CNTN4: variants seen among roughly 807,000 people sequenced by gnomAD.
CNTN4 encodes contactin-4.
In CNTN4, 77 loss-of-function variants were observed where a neutral mutation model predicts 122.5. The observed-to-expected ratio is 0.63, with a 90% CI of 0.52 to 0.76. The LOEUF (loss-of-function observed/expected upper bound fraction) is 0.76. Among genes scored for constraint, CNTN4 ranks in the 30% least tolerant of loss-of-function variants. The pLI, the probability that CNTN4 is intolerant of heterozygous loss-of-function variation, is 0.00. For synonymous variants in CNTN4, 512 were observed against 447.0 expected (o/e 1.15, Z -1.83); for missense variants, 1,256 against 1,259.1 (o/e 1.00, Z 0.04).
At chr3:2,157,228 G>T (rs1018024329) in intron 2 of CNTN4, among the ~76,000 whole-genome samples, 1 of 152,192 alleles carries the variant, frequency 6.6e-6, no homozygotes, top group African/African-American at 2.4e-5. Flanking sequence ...AAGACCTGGT[G>T]GATAATATGT....
Position 2,854,667 on chromosome 3 carries a change from C to T in CNTN4, c.455-12085C>T, listed in dbSNP as rs113557707. Among the ~76,000 whole-genome samples, 923 of 152,204 alleles carry T rather than the reference C, an allele frequency of 6.1e-3. 5 individuals carry two copies. Among genetic ancestry groups the T allele is most frequent in the African/African-American group, 0.021 (881 of 41,504 alleles). ...CTGAATTTTAGATCACAAGTTTAAT[C>T]AAGGAGAATGTGGAATTGTTTAATA... On this transcript the variant is annotated intron_variant, in intron 7 of 24. Coordinates refer to ENST00000418658, the MANE Select transcript of CNTN4 (RefSeq NM_175607.3).
intron 2 of CNTN4, among the ~76,000 whole-genome samples, chr3:2,181,263 C>T (rs569851329): frequency 5.9e-5 from 9 of 151,970 alleles, no homozygotes; most frequent in South Asian, 2.1e-4. Flanking sequence ...GTGATCACCC[C>T]GAGGGTTTTT....
intron 2 of CNTN4, among the ~76,000 whole-genome samples, chr3:2,245,826 C>G (rs936902600): frequency 1.3e-5 from 2 of 151,980 alleles, no homozygotes; most frequent in Non-Finnish European, 2.9e-5. Context: ...TAATCATGAA[C>G]TGTCTAGCTC....
chr3:2,570,661 C>T (rs2079383102), intron 3 of CNTN4, among the ~76,000 whole-genome samples: 1 of 152,150 alleles, frequency 6.6e-6, no homozygotes, highest in East Asian at 1.9e-4. Context: ...TGCCTCCATT[C>T]CTCAGAATAA....
At chr3:2,934,138 G>A (rs1340435664) in intron 13 of CNTN4, among the ~76,000 whole-genome samples, 1 of 152,188 alleles carries the variant, frequency 6.6e-6, no homozygotes, top group Non-Finnish European at 1.5e-5. Context: ...CTTGGGCAGA[G>A]TACTTTTAGG....
At chr3:3,016,370 T>C (rs1697758085) in intron 14 of CNTN4, among the ~76,000 whole-genome samples, 1 of 152,178 alleles carries the variant, frequency 6.6e-6, no homozygotes, top group Non-Finnish European at 1.5e-5. Flanking sequence ...TTCTTATTCA[T>C]AGTGGGAAGC....
chr3:2,885,930 C>T (rs984926184), intron 9 of CNTN4, among the ~76,000 whole-genome samples: 4 of 152,146 alleles, frequency 2.6e-5, no homozygotes, highest in African/African-American at 7.2e-5. Context: ...TCCTTCCTGG[C>T]GGTCTCAAGG....
intron 2 of CNTN4, among the ~76,000 whole-genome samples, chr3:2,221,957 T>C (rs1016643700): frequency 6.6e-6 from 1 of 152,190 alleles, no homozygotes; most frequent in Non-Finnish European, 1.5e-5. Context: ...GGTAGAATTA[T>C]AAAATAATGC....
chr3:2,285,081 C>G (rs2041854517), intron 2 of CNTN4, among the ~76,000 whole-genome samples: 1 of 151,806 alleles, frequency 6.6e-6, no homozygotes, highest in Non-Finnish European at 1.5e-5. Context: ...ATGAGGACTG[C>G]TCAGTCTGCA....
chr3:2,806,502 T>A (rs2092471429), intron 6 of CNTN4, among the ~76,000 whole-genome samples: 1 of 152,184 alleles, frequency 6.6e-6, no homozygotes, highest in Non-Finnish European at 1.5e-5. Flanking sequence ...AAACAGTAAC[T>A]ATCCATCGCT....
At chr3:2,909,387 A>G (rs1299286798) in intron 12 of CNTN4, among the ~76,000 whole-genome samples, 1 of 152,026 alleles carries the variant, frequency 6.6e-6, no homozygotes, top group Non-Finnish European at 1.5e-5. Context: ...GCCTTTGCAA[A>G]CCTAAAGGTG....
At chr3:2,901,839 G>A (rs955233959) in intron 11 of CNTN4, among the ~76,000 whole-genome samples, 1 of 152,168 alleles carries the variant, frequency 6.6e-6, no homozygotes, top group African/African-American at 2.4e-5. Flanking sequence ...TTAGGTGGGG[G>A]TACAGAGGCA....
chr3:2,159,212 AT>A (rs1472648187), intron 2 of CNTN4, among the ~76,000 whole-genome samples: 1 of 152,134 alleles, frequency 6.6e-6, no homozygotes, highest in Non-Finnish European at 1.5e-5. Flanking sequence ...GAATATTTTC[AT>A]TTTCAGTATG....
intron 6 of CNTN4, among the ~76,000 whole-genome samples, chr3:2,772,380 A>G (rs1197355244): frequency 7.3e-6 from 1 of 137,174 alleles, no homozygotes; most frequent in Non-Finnish European, 1.6e-5. Flanking sequence ...GGTTCGTTGG[A>G]TGGTTTGGGT....
chr3:2,499,068 C>T (rs928123217), intron 3 of CNTN4, among the ~76,000 whole-genome samples: 12 of 152,176 alleles, frequency 7.9e-5, no homozygotes, highest in African/African-American at 1.9e-4. Flanking sequence ...GGATTACAGG[C>T]GTAAGCCACT....
At chr3:2,313,071 G>C (rs776822038) in intron 2 of CNTN4, among the ~76,000 whole-genome samples, 4 of 151,804 alleles carry the variant, frequency 2.6e-5, no homozygotes, top group Non-Finnish European at 5.9e-5. Context: ...AGTTAGAAAA[G>C]ACAATAAAAC....
chr3:2,494,151 A>C (rs1006887527), intron 3 of CNTN4, among the ~76,000 whole-genome samples: 7 of 152,174 alleles, frequency 4.6e-5, no homozygotes, highest in African/African-American at 1.2e-4. Flanking sequence ...AAATATTGGA[A>C]AGGATTTATG....
At chr3:2,785,894 T>TCCC (rs2091792666) in intron 6 of CNTN4, among the ~76,000 whole-genome samples, 1 of 5,246 alleles carries the variant, frequency 1.9e-4, no homozygotes. Context: ...TGGCCCACGC[T>TCCC]GCCCCCCCCC....
intron 17 of CNTN4, among the ~76,000 whole-genome samples, chr3:3,036,145 A>C (rs1191717146): frequency 1.3e-5 from 2 of 152,206 alleles, no homozygotes; most frequent in Non-Finnish European, 2.9e-5. Flanking sequence ...TAGTTATTAC[A>C]AACAAAGATA....
Sources: allele counts gnomAD v4.1 joint callset (sites outside exome capture counted in the v4.1 genomes callset), GRCh38; gene constraint gnomAD v4.1.1; transcripts MANE v1.5; gene names NCBI Gene and HGNC (gene_info 2026-07-23, HGNC 2026-07-21).